ARHGAP22: variants seen among roughly 807,000 people sequenced by gnomAD.
ARHGAP22 encodes Rho GTPase activating protein 22, also known as rho GTPase-activating protein 22.
A neutral mutation model predicts 59.1 loss-of-function variants in ARHGAP22; 48 were observed. The observed-to-expected ratio is 0.81, with a 90% CI of 0.64 to 1.03. ARHGAP22 has a LOEUF of 1.03. ARHGAP22 is among the 50% of genes least tolerant of loss of function. ARHGAP22 has a pLI of 0.00. For missense variants in ARHGAP22, 1,015 were observed against 958.7 expected (o/e 1.06, Z -0.78); for synonymous variants, 445 against 416.4 (o/e 1.07, Z -0.84).
At chr10:48,585,351 A>G (rs4275580) in intron 1 of ARHGAP22, among the ~76,000 whole-genome samples, 11,582 of 152,092 alleles carry the variant, frequency 0.076, 471 homozygotes, top group Middle Eastern at 0.11. Flanking sequence ...CCGGGCCTTC[A>G]CGGCCTCCAT....
At chr10:48,432,050 G>T in the ARHGAP22 span, among the ~76,000 whole-genome samples, 1 of 152,194 alleles carries the variant, frequency 6.6e-6, no homozygotes, top group African/African-American at 2.4e-5. Context: ...TTCAGAGTGT[G>T]TGGTTTTTTC....
chr10:48,489,427 A>G (rs2050153618), intron 3 of ARHGAP22, among the ~76,000 whole-genome samples: 1 of 152,210 alleles, frequency 6.6e-6, no homozygotes, highest in Non-Finnish European at 1.5e-5. Context: ...AATCTTCCTT[A>G]TGGCAATAAA....
intron 3 of ARHGAP22, among the ~76,000 whole-genome samples, chr10:48,537,015 T>A (rs1726330138): frequency 6.6e-6 from 1 of 152,046 alleles, no homozygotes; most frequent in Non-Finnish European, 1.5e-5. Context: ...CACCAAGGGC[T>A]GCAAAAATTC....
intron 1 of ARHGAP22, among the ~76,000 whole-genome samples, chr10:48,586,157 G>T (rs1277521428): frequency 1.3e-5 from 2 of 152,138 alleles, no homozygotes; most frequent in Non-Finnish European, 2.9e-5. Flanking sequence ...ATTGCTTTTA[G>T]ATTCTCACAT....
At chr10:48,584,594 T>C (rs145900024) in intron 1 of ARHGAP22, among the ~76,000 whole-genome samples, 64 of 152,334 alleles carry the variant, frequency 4.2e-4, no homozygotes, top group Non-Finnish European at 6.8e-4. Flanking sequence ...TCCTCGTTAC[T>C]GTGGGGGGCA....
intron 4 of ARHGAP22, among the ~76,000 whole-genome samples, chr10:48,473,518 GAGGACTATTTAGTACTCAGAGAACGC>G (rs2048417191): frequency 4.1e-5 from 3 of 73,928 alleles, no homozygotes; most frequent in Non-Finnish European, 7.5e-5. Flanking sequence ...ATGAATGAAT[GAGGACTATTTAGTACTCAGAGAACGC>G]TGAGGACTAT....
At chr10:48,493,685 C>G (rs896991530) in intron 3 of ARHGAP22, 2 of 1,389,796 alleles carry the variant, frequency 1.4e-6, no homozygotes, top group Non-Finnish European at 1.9e-6. Flanking sequence ...TATCAGTGCC[C>G]GAAGGCTGGG....
chr10:48,531,762 A>G lies in ARHGAP22; in HGVS notation c.322+23701T>C, dbSNP rs117123465. On this transcript the variant is annotated intron_variant, in intron 3 of 9. Coordinates refer to ENST00000249601, the MANE Select transcript of ARHGAP22 (RefSeq NM_021226.4). ...TTAAGCTCAGATTGGAACCCAGCCCATCTTGCTTTCTAGCCTGTGATCTTA... is the reference window on the plus strand; with the variant it reads ...TTAAGCTCAGATTGGAACCCAGCCCGTCTTGCTTTCTAGCCTGTGATCTTA... 5.3e-5 allele frequency among the ~76,000 whole-genome samples: 8 copies of G among 152,272 alleles called. No individual in the cohort carries two copies. The East Asian group carries it at 1.5e-3, about 29-fold the overall frequency.
intron 1 of ARHGAP22, among the ~76,000 whole-genome samples, chr10:48,632,787 T>C (rs2061672710): frequency 6.6e-6 from 1 of 152,198 alleles, no homozygotes; most frequent in Non-Finnish European, 1.5e-5. Flanking sequence ...TAATATTTGC[T>C]GTGTCTGCAG....
chr10:48,632,391 T>C (rs752106056), intron 1 of ARHGAP22, among the ~76,000 whole-genome samples: 1 of 152,212 alleles, frequency 6.6e-6, no homozygotes, highest in South Asian at 2.1e-4. Context: ...GCAGTTTTAA[T>C]GTACAAACTA....
At chr10:48,640,179 A>T (rs934721972) in intron 1 of ARHGAP22, among the ~76,000 whole-genome samples, 1 of 152,188 alleles carries the variant, frequency 6.6e-6, no homozygotes, top group Non-Finnish European at 1.5e-5. Flanking sequence ...TGAAGAACAC[A>T]AAACAATTTT....
chr10:48,446,298 G>C lies in ARHGAP22; in HGVS notation c.*93C>G, dbSNP rs2045343224. The stretch of plus-strand genomic sequence containing the variant: ...CTCTCTCTCTCCAGCTGGCTCCAGA[G>C]CGCCTGGCTGCTCCAGAGATACAGA... On this transcript the variant is annotated 3_prime_UTR_variant, in exon 10 of 10. Coordinates refer to ENST00000249601, the MANE Select transcript of ARHGAP22 (RefSeq NM_021226.4). 12 of 1,374,778 alleles carry C rather than the reference G, an allele frequency of 8.7e-6. No individual in the cohort carries two copies. Among genetic ancestry groups the C allele is most frequent in the Non-Finnish European group, 1.2e-5 (12 of 994,094 alleles). The allele number at this position is 1,374,778 out of a possible 1,614,324, so 85.2% of individuals were successfully genotyped here.
intron 9 of ARHGAP22, 129 bp downstream of exon 9, chr10:48,450,125 CTAGGATT>C: frequency 4.6e-6 from 6 of 1,292,010 alleles, no homozygotes; most frequent in Non-Finnish European, 6.3e-6. Flanking sequence ...TTTCCCAGAG[CTAGGATT>C]CCCCTCTCTG....
chr10:48,516,046 GAA>G (rs1030152320), intron 3 of ARHGAP22, among the ~76,000 whole-genome samples: 1 of 150,836 alleles, frequency 6.6e-6, no homozygotes, highest in African/African-American at 2.4e-5. Flanking sequence ...AAAAAAACTA[GAA>G]AAACAATAGG....
intron 1 of ARHGAP22, among the ~76,000 whole-genome samples, chr10:48,583,372 G>T (rs1421585950): frequency 6.6e-6 from 1 of 152,220 alleles, no homozygotes; most frequent in Non-Finnish European, 1.5e-5. Context: ...GGTACAGCCT[G>T]CCCACCTGGT....
chr10:48,637,432 C>T (rs936740263), intron 1 of ARHGAP22, among the ~76,000 whole-genome samples: 27 of 131,570 alleles, frequency 2.1e-4, no homozygotes, highest in Non-Finnish European at 1.6e-4. Context: ...GGTGGATGGA[C>T]GGGTGGGTGA....
intron 3 of ARHGAP22, chr10:48,524,214 G>T: frequency 1.4e-6 from 1 of 732,484 alleles, no homozygotes; most frequent in African/African-American, 1.9e-5. Context: ...TGGGCGCAGG[G>T]TGCGCGGGAC....
At chr10:48,452,285 GC>G (rs1481750826) in intron 8 of ARHGAP22, among the ~76,000 whole-genome samples, 15 of 152,266 alleles carry the variant, frequency 9.9e-5, no homozygotes, top group Admixed American at 2.0e-4. Flanking sequence ...AGGAGGGAGG[GC>G]TGAGTGCCAG....
At chr10:48,543,522 G>A (rs563378818) in intron 3 of ARHGAP22, among the ~76,000 whole-genome samples, 1 of 152,320 alleles carries the variant, frequency 6.6e-6, no homozygotes, top group East Asian at 1.9e-4. Flanking sequence ...CCATTAAAGG[G>A]ATTAAGTATA....
Sources: gnomAD v4.1 joint callset for allele counts (sites outside exome capture counted in the v4.1 genomes callset) on GRCh38, gnomAD v4.1.1 for gene constraint, MANE v1.5 for transcripts, NCBI Gene and HGNC (gene_info 2026-07-23, HGNC 2026-07-21) for gene names.